The following CDH12 variants were observed in gnomAD, a reference collection of about 807,000 sequenced individuals.
CDH12 encodes the protein cadherin 12.
Under a neutral mutation model 74.1 loss-of-function variants are expected in CDH12, and 41 were observed. The ratio of observed to expected loss-of-function variants is 0.55; its 90% CI spans 0.43 to 0.72. The LOEUF is 0.72. Among genes scored for constraint, CDH12 ranks in the 30% least tolerant of loss-of-function variants. CDH12 has a pLI of 0.00. For missense variants in CDH12, 945 were observed against 977.2 expected, an observed-to-expected ratio of 0.97 and a Z score of 0.44; for synonymous variants, 399 against 355.0, an observed-to-expected ratio of 1.12 and a Z score of -1.39.
chr5:22,211,125 T>G (rs553421946), intron 4 of CDH12, among the ~76,000 whole-genome samples: 1 of 152,186 alleles, frequency 6.6e-6, no homozygotes, highest in Non-Finnish European at 1.5e-5. Flanking sequence ...GATAGCCAAT[T>G]ATTAGAAAGT....
chr5:22,367,016 T>G (rs1741063325), intron 3 of CDH12, among the ~76,000 whole-genome samples: 1 of 152,250 alleles, frequency 6.6e-6, no homozygotes, highest in African/African-American at 2.4e-5. Flanking sequence ...TATTCATGTT[T>G]CACTTTGTTC....
intron 1 of CDH12, among the ~76,000 whole-genome samples, chr5:22,680,870 A>G (rs1561573272): frequency 6.6e-6 from 1 of 151,846 alleles, no homozygotes; most frequent in South Asian, 2.1e-4. Context: ...ATCATTATAC[A>G]TTCAGTATAT....
intron 4 of CDH12, among the ~76,000 whole-genome samples, chr5:22,163,424 G>C (rs1052411547): frequency 6.6e-6 from 1 of 151,978 alleles, no homozygotes; most frequent in Non-Finnish European, 1.5e-5. Flanking sequence ...TCTCAAACTT[G>C]GCATGCACAA....
At chr5:21,761,251 T>G (rs1055197569) in intron 12 of CDH12, among the ~76,000 whole-genome samples, 3 of 152,138 alleles carry the variant, frequency 2.0e-5, no homozygotes, top group African/African-American at 7.2e-5. Context: ...TGTTACAAAA[T>G]TTTTCCTAAA....
chr5:21,935,671 C>A (rs551779350), intron 6 of CDH12, among the ~76,000 whole-genome samples: 2 of 152,206 alleles, frequency 1.3e-5, no homozygotes, highest in African/African-American at 4.8e-5. Flanking sequence ...GTTGTGCTAG[C>A]AAATGCTAGG....
chr5:22,227,724 T>A (rs1351415953), intron 3 of CDH12, among the ~76,000 whole-genome samples: 3 of 152,126 alleles, frequency 2.0e-5, no homozygotes, highest in Non-Finnish European at 4.4e-5. Flanking sequence ...AGTGTGTGAT[T>A]CTCTAGTCCT....
chr5:22,694,529 T>C (rs955567994), intron 1 of CDH12, among the ~76,000 whole-genome samples: 1 of 152,100 alleles, frequency 6.6e-6, no homozygotes, highest in African/African-American at 2.4e-5. Context: ...TTAGGCCACA[T>C]TTGTTATGTG....
intron 4 of CDH12, among the ~76,000 whole-genome samples, chr5:22,116,742 T>G (rs1410551258): frequency 6.6e-6 from 1 of 152,132 alleles, no homozygotes; most frequent in Non-Finnish European, 1.5e-5. Context: ...ATTTCACTTC[T>G]GTATATAATA....
chr5:22,452,404 G>T (rs1299688544), intron 2 of CDH12, among the ~76,000 whole-genome samples: 1 of 151,614 alleles, frequency 6.6e-6, no homozygotes, highest in Non-Finnish European at 1.5e-5. Context: ...TAAAGAACTT[G>T]GAAATATATT....
At chr5:22,639,586 C>T (rs1186158700) in intron 1 of CDH12, among the ~76,000 whole-genome samples, 5 of 152,102 alleles carry the variant, frequency 3.3e-5, no homozygotes, top group Middle Eastern at 3.4e-3. Context: ...TTGGTTGGGC[C>T]ATCAAGAGTT....
At chr5:22,306,269 C>A (rs1324142561) in intron 3 of CDH12, among the ~76,000 whole-genome samples, 1 of 152,010 alleles carries the variant, frequency 6.6e-6, no homozygotes, top group South Asian at 2.1e-4. Flanking sequence ...CAAAGGAATG[C>A]ACAATTCTAG....
chr5:22,432,000 C>G (rs901997235), intron 2 of CDH12, among the ~76,000 whole-genome samples: 23 of 152,126 alleles, frequency 1.5e-4, no homozygotes, highest in African/African-American at 5.5e-4. Context: ...CAGTAATGCC[C>G]TAGGCGTTCA....
intron 1 of CDH12, among the ~76,000 whole-genome samples, chr5:22,641,289 G>A (rs1485908767): frequency 3.3e-5 from 5 of 152,172 alleles, no homozygotes; most frequent in Admixed American, 6.5e-5. Context: ...GAATGGGTTT[G>A]AGGGGGTACT....
chr5:22,231,192 T>C (rs1435846445), intron 3 of CDH12, among the ~76,000 whole-genome samples: 2 of 152,176 alleles, frequency 1.3e-5, no homozygotes, highest in Non-Finnish European at 2.9e-5. Flanking sequence ...CAGAGTTATC[T>C]AAAATTTAAC....
At chr5:21,758,121 G>T (rs1019823147) in intron 13 of CDH12, among the ~76,000 whole-genome samples, 2 of 152,126 alleles carry the variant, frequency 1.3e-5, no homozygotes, top group African/African-American at 4.8e-5. Flanking sequence ...CTTCTGGATA[G>T]GGTCCTCATA....
At chr5:21,754,027 G>T (rs993397370) in intron 14 of CDH12, among the ~76,000 whole-genome samples, 5 of 152,140 alleles carry the variant, frequency 3.3e-5, no homozygotes, top group Non-Finnish European at 5.9e-5. Context: ...AAACGAGGAG[G>T]ATACATAATT....
intron 1 of CDH12, among the ~76,000 whole-genome samples, chr5:22,748,876 G>A (rs1195642222): frequency 6.6e-6 from 1 of 152,134 alleles, no homozygotes; most frequent in East Asian, 1.9e-4. Context: ...TTTGACTTCA[G>A]TTCATCAGTT....
chr5:22,805,421 G>T (rs756345245), intron 1 of CDH12, among the ~76,000 whole-genome samples: 68 of 151,666 alleles, frequency 4.5e-4, no homozygotes, highest in Non-Finnish European at 4.1e-4. Flanking sequence ...AAAAAAATAA[G>T]AATAATAATT....
chr5:22,515,047 T>C (rs977531041), intron 1 of CDH12, among the ~76,000 whole-genome samples: 2 of 152,098 alleles, frequency 1.3e-5, no homozygotes, highest in South Asian at 4.1e-4. Flanking sequence ...TTAATAATTA[T>C]CTCCTTGCAA....
Sources: gnomAD v4.1 joint callset for allele counts (sites outside exome capture counted in the v4.1 genomes callset) on GRCh38, gnomAD v4.1.1 for gene constraint, MANE v1.5 for transcripts, NCBI Gene and HGNC (gene_info 2026-07-23, HGNC 2026-07-21) for gene names.